SVIL: variants seen among roughly 807,000 people sequenced by gnomAD.
The protein encoded by SVIL is supervillin.
A neutral mutation model predicts 240.4 loss-of-function variants in SVIL; 101 were observed. That is an observed-to-expected ratio of 0.42 (90% CI 0.36 to 0.50). The LOEUF (loss-of-function observed/expected upper bound fraction) is 0.50. SVIL is among the 20% of genes least tolerant of loss of function. The probability of loss-of-function intolerance (pLI) is 0.01; values close to 1 mark genes in which losing one functional copy is unlikely to be tolerated. For synonymous variants in SVIL, 999 were observed against 1,100.0 expected, an observed-to-expected ratio of 0.91 and a Z score of 1.82; for missense variants, 2,512 against 2,818.7, an observed-to-expected ratio of 0.89 and a Z score of 2.46.
At chr10:29,653,060 G>A (rs1958890164) in intron 3 of SVIL, among the ~76,000 whole-genome samples, 1 of 150,546 alleles carries the variant, frequency 6.6e-6, no homozygotes, top group Admixed American at 6.6e-5. Context: ...CAAACTCCTG[G>A]ACTCAAACAA....
At chr10:29,672,296 T>A (rs1244085647) in intron 2 of SVIL, among the ~76,000 whole-genome samples, 1 of 152,192 alleles carries the variant, frequency 6.6e-6, no homozygotes, top group Admixed American at 6.5e-5. Context: ...ACATTTATAA[T>A]ATGGCCCTTT....
At chr10:29,665,548 C>A (rs1409976526) in intron 2 of SVIL, among the ~76,000 whole-genome samples, 7 of 152,164 alleles carry the variant, frequency 4.6e-5, no homozygotes, top group Non-Finnish European at 1.0e-4. Context: ...GTAATCCCAG[C>A]ACTTTGGGAG....
chr10:29,628,626 G>A (rs757751264), intron 1 of SVIL, among the ~76,000 whole-genome samples: 1 of 152,102 alleles, frequency 6.6e-6, no homozygotes, highest in African/African-American at 2.4e-5. Context: ...GCCCAGAACC[G>A]AATTGTTCTT....
upstream of SVIL, among the ~76,000 whole-genome samples, chr10:29,639,702 C>G (rs1024666972): frequency 6.6e-6 from 1 of 152,176 alleles, no homozygotes; most frequent in East Asian, 1.9e-4. Flanking sequence ...TCTAACCTCG[C>G]GTGATCTGCC....
intron 3 of SVIL, among the ~76,000 whole-genome samples, chr10:29,656,209 C>T (rs367975806): frequency 9.3e-5 from 14 of 151,240 alleles, no homozygotes; most frequent in African/African-American, 2.9e-4. Context: ...CATGAAGAGG[C>T]ATTCGATTTT....
intron 1 of SVIL, among the ~76,000 whole-genome samples, chr10:29,594,304 A>G (rs957804761): frequency 5.2e-4 from 20 of 38,148 alleles, no homozygotes; most frequent in Non-Finnish European, 1.1e-3. Context: ...CTAGGTCCCA[A>G]CCATTTCGGA....
chr10:29,600,801 G>A (rs1375199772), intron 1 of SVIL, among the ~76,000 whole-genome samples: 3 of 152,164 alleles, frequency 2.0e-5, no homozygotes, highest in Admixed American at 1.3e-4. Flanking sequence ...CCGAAAGACT[G>A]TTCTAACTAA....
At chr10:29,696,439 T>A (rs957164438) in intron 1 of SVIL, among the ~76,000 whole-genome samples, 2 of 149,030 alleles carry the variant, frequency 1.3e-5, no homozygotes, top group Admixed American at 1.3e-4. Flanking sequence ...GGAGCCCCTC[T>A]GCCTGGCTGC....
At chr10:29,609,573 C>T (rs1049757107) in intron 1 of SVIL, among the ~76,000 whole-genome samples, 1 of 152,236 alleles carries the variant, frequency 6.6e-6, no homozygotes, top group Non-Finnish European at 1.5e-5. Context: ...CTCCCTGAGC[C>T]ATGGCTGTGA....
At chr10:29,543,147 T>G (rs555028221) in intron 6 of SVIL, among the ~76,000 whole-genome samples, 1 of 152,176 alleles carries the variant, frequency 6.6e-6, no homozygotes, top group Non-Finnish European at 1.5e-5. Context: ...ATTCTACTGC[T>G]CAAGGACAGC....
chr10:29,463,878 T>C (rs921453755), intron 34 of SVIL, among the ~76,000 whole-genome samples: 1 of 152,192 alleles, frequency 6.6e-6, no homozygotes, highest in Non-Finnish European at 1.5e-5. Flanking sequence ...GTTGGTCTTT[T>C]TCATTCCTCG....
At chr10:29,661,151 G>A (rs1413715737) in intron 2 of SVIL, among the ~76,000 whole-genome samples, 1 of 146,988 alleles carries the variant, frequency 6.8e-6, no homozygotes, top group East Asian at 2.0e-4. Context: ...TGGCGACAGA[G>A]CAAGACACCG....
intron 1 of SVIL, among the ~76,000 whole-genome samples, chr10:29,578,724 C>G (rs1955808771): frequency 6.6e-6 from 1 of 152,216 alleles, no homozygotes; most frequent in African/African-American, 2.4e-5. Context: ...ATTTCTAGCA[C>G]AGAGCCTGGC....
intron 1 of SVIL, among the ~76,000 whole-genome samples, chr10:29,722,829 A>G (rs1252268217): frequency 6.6e-6 from 1 of 152,188 alleles, no homozygotes; most frequent in Non-Finnish European, 1.5e-5. Context: ...CTCCATGGTG[A>G]CATCACTGCC....
Position 29,465,613 on chromosome 10 carries a change from A to G in SVIL, c.6115T>C (p.Tyr2039His). 6.2e-7 allele frequency: 1 copy of G among 1,613,850 alleles called. No homozygotes were observed. Residue 2039 changes from tyrosine to histidine, a missense_variant, in exon 34 of 38, where the codon TAC becomes CAC. By Grantham distance (83) the Tyr-to-His change is moderately conservative. This residue lies in a region of SVIL where 797 missense variants were observed against 925.3 expected (regional missense o/e 0.86). Transcript: ENST00000355867. ...SSMPFLQEDL[Y>H]SAPQPALFLV... ...GCCTTACCTGGCTGGGGCGCGCTGT[A>G]CAGATCTTCCTGCAGGAAGGGCATG...
chr10:29,607,258 C>A (rs1957062120), intron 1 of SVIL, among the ~76,000 whole-genome samples: 1 of 152,146 alleles, frequency 6.6e-6, no homozygotes, highest in African/African-American at 2.4e-5. Flanking sequence ...CTAATATGTT[C>A]TGCTGTCTTG....
At chr10:29,671,622 C>T (rs1455327995) in intron 2 of SVIL, among the ~76,000 whole-genome samples, 3 of 152,196 alleles carry the variant, frequency 2.0e-5, no homozygotes, top group African/African-American at 7.2e-5. Context: ...GCTGTTTCTG[C>T]GTCTTTCCAG....
intron 16 of SVIL, among the ~76,000 whole-genome samples, chr10:29,521,468 C>A (rs1385932645): frequency 6.6e-6 from 1 of 152,060 alleles, no homozygotes; most frequent in Non-Finnish European, 1.5e-5. Flanking sequence ...CCCAGTTTTC[C>A]TATCAACTAT....
intron 3 of SVIL, among the ~76,000 whole-genome samples, chr10:29,649,004 T>C (rs1958755117): frequency 6.6e-6 from 1 of 151,818 alleles, no homozygotes; most frequent in Admixed American, 6.6e-5. Flanking sequence ...AAAAAACACA[T>C]TAAAAATTAG....
Sources: gnomAD v4.1 joint callset for allele counts (sites outside exome capture counted in the v4.1 genomes callset) on GRCh38, gnomAD v4.1.1 for gene constraint, gnomAD v4.1.1 regional missense constraint, MANE v1.5 for transcripts, NCBI Gene and HGNC (gene_info 2026-07-23, HGNC 2026-07-21) for gene names.